The following EIF2AK2 variants were observed in gnomAD, a reference collection of about 807,000 sequenced individuals.
EIF2AK2 encodes interferon-induced, double-stranded RNA-activated protein kinase.
A neutral mutation model predicts 70.5 loss-of-function variants in EIF2AK2; 40 were observed. The observed-to-expected ratio is 0.57, with a 90% CI of 0.44 to 0.74. EIF2AK2 has a LOEUF of 0.74. EIF2AK2 is among the 30% of genes least tolerant of loss of function. The pLI is 0.00. For missense variants in EIF2AK2, 555 were observed against 644.3 expected (o/e 0.86, Z 1.50); for synonymous variants, 198 against 220.9 (o/e 0.90, Z 0.92).
chr2:37,129,130 C>T (rs1035709826), intron 10 of EIF2AK2, among the ~76,000 whole-genome samples: 15 of 151,694 alleles, frequency 9.9e-5, no homozygotes, highest in African/African-American at 3.4e-4. Flanking sequence ...TAAATGCGAC[C>T]TTCCATGTCT....
In EIF2AK2 at chr2:37,107,182, A is replaced by C; in HGVS notation, c.*91T>G. On this transcript the variant is annotated 3_prime_UTR_variant, in exon 17 of 17. Coordinates refer to ENST00000233057, the MANE Select transcript of EIF2AK2 (RefSeq NM_001135651.3). ...AAAAATTAAAGGAAACATTAAAATA[A>C]AAGGTAAATATCTATTGATATTCCC... The C allele has an allele frequency of 7.2e-7, 1 of 1,380,418 alleles. No homozygotes were observed. The highest frequency in any genetic ancestry group is 9.6e-7 in the Non-Finnish European group (1 of 1,044,768). 85.5% of individuals were successfully genotyped at this position (1,380,418 alleles called of 1,614,324 possible).
chr2:37,111,903 A>G (rs1190724075), intron 14 of EIF2AK2, among the ~76,000 whole-genome samples: 4 of 124,778 alleles, frequency 3.2e-5, no homozygotes, highest in Non-Finnish European at 6.7e-5. Context: ...ATATATATAT[A>G]TATATATATC....
At chr2:37,139,946 G>A (rs1675270834) in intron 5 of EIF2AK2, among the ~76,000 whole-genome samples, 189 bp from the exon 6 acceptor site, 1 of 152,098 alleles carries the variant, frequency 6.6e-6, no homozygotes, top group South Asian at 2.1e-4. Flanking sequence ...TGAATACCCA[G>A]GATCAGCTGA....
intron 10 of EIF2AK2, among the ~76,000 whole-genome samples, chr2:37,133,752 T>C (rs1167693443): frequency 1.3e-5 from 2 of 152,218 alleles, no homozygotes; most frequent in African/African-American, 2.4e-5. Flanking sequence ...CAAACTTTCA[T>C]TGCTTCCTAA....
At chr2:37,108,661 C>T (rs894228525) in intron 15 of EIF2AK2, among the ~76,000 whole-genome samples, 2 of 152,136 alleles carry the variant, frequency 1.3e-5, no homozygotes, top group African/African-American at 4.8e-5. Flanking sequence ...CCTCCGCCTC[C>T]CAGGTTCAAG....
chr2:37,126,479 C>A, intron 10 of EIF2AK2, 68 bp from the exon 11 acceptor site: 1 of 1,547,760 alleles, frequency 6.5e-7, no homozygotes, highest in East Asian at 2.3e-5. Context: ...CCTCCCCACT[C>A]CTTTCCCTTT....
chr2:37,115,807 C>A (rs958518512), intron 13 of EIF2AK2, among the ~76,000 whole-genome samples: 2 of 152,054 alleles, frequency 1.3e-5, no homozygotes, highest in Admixed American at 1.3e-4. Context: ...TGAAAGCATA[C>A]CAAGTTAACT....
chr2:37,138,316 T>C lies in EIF2AK2; in HGVS notation c.641A>G (p.Glu214Gly), dbSNP rs1558423612. Reference sequence around the variant, plus strand: ...TAAACTGTCACTGTTAGAATTTATCTCTGATGTATCTGCTGAGAAGTCACC... The same window carrying C: ...TAAACTGTCACTGTTAGAATTTATCCCTGATGTATCTGCTGAGAAGTCACC... ...SEGDFSADTS[E>G]INSNSDSLNS... Residue 214 changes from glutamate (E) to glycine (G), a missense_variant, in exon 8 of 17, where the codon GAG becomes GGG. By Grantham distance (98) the Glu-to-Gly change is moderately conservative (BLOSUM62 -2). Coordinates refer to ENST00000233057, the MANE Select transcript of EIF2AK2 (RefSeq NM_001135651.3). The C allele has an allele frequency of 6.2e-6, 10 of 1,613,862 alleles. No individual in the cohort carries two copies. Among genetic ancestry groups the C allele is most frequent in the African/African-American group, 1.3e-5 (1 of 74,930 alleles).
intron 12 of EIF2AK2, 146 bp from the exon 13 acceptor site, chr2:37,120,285 A>G (rs1674491357): frequency 2.3e-6 from 1 of 440,478 alleles, no homozygotes; most frequent in African/African-American, 2.1e-5. Flanking sequence ...TGGGAGGCCG[A>G]GGCGGGCGGA....
At chr2:37,154,342 A>G (rs1675848177) in intron 1 of EIF2AK2, among the ~76,000 whole-genome samples, 1 of 151,750 alleles carries the variant, frequency 6.6e-6, no homozygotes, top group Non-Finnish European at 1.5e-5. Context: ...AAAAACAAAA[A>G]CAAAACAAAC....
intron 10 of EIF2AK2, among the ~76,000 whole-genome samples, chr2:37,131,746 G>A (rs1318882083): frequency 6.6e-6 from 1 of 152,034 alleles, no homozygotes; most frequent in African/African-American, 2.4e-5. Flanking sequence ...CGCCAAGCAG[G>A]ATATGCAGTC....
intron 10 of EIF2AK2, among the ~76,000 whole-genome samples, 163 bp downstream of exon 10, chr2:37,135,321 C>A (rs558321565): frequency 6.6e-6 from 1 of 152,278 alleles, no homozygotes; most frequent in South Asian, 2.1e-4. Flanking sequence ...CATTCCTGGG[C>A]CCCCTCTTAA....
At chr2:37,132,570 C>G (rs1319428535) in intron 10 of EIF2AK2, among the ~76,000 whole-genome samples, 3 of 152,148 alleles carry the variant, frequency 2.0e-5, no homozygotes, top group Admixed American at 6.5e-5. Flanking sequence ...GCCTGGGTGA[C>G]AGAGCAAGAA....
At chr2:37,140,249 T>C (rs550103150) in intron 5 of EIF2AK2, among the ~76,000 whole-genome samples, 1 of 152,264 alleles carries the variant, frequency 6.6e-6, no homozygotes, top group South Asian at 2.1e-4. Flanking sequence ...CATCTGCTCA[T>C]GTGCACAAAA....
intron 10 of EIF2AK2, among the ~76,000 whole-genome samples, chr2:37,126,703 T>G (rs1349832934): frequency 6.6e-6 from 1 of 152,036 alleles, no homozygotes; most frequent in East Asian, 1.9e-4. Flanking sequence ...ATGCCCGTAA[T>G]ACCAGCACTT....
chr2:37,125,746 T>C (rs547359529), intron 11 of EIF2AK2, among the ~76,000 whole-genome samples: 6 of 152,206 alleles, frequency 3.9e-5, no homozygotes, highest in Non-Finnish European at 7.3e-5. Context: ...ATGAGCACAA[T>C]CAACCCATGG....
rs1318387072 is a variant in EIF2AK2 at position 37,101,625 on chromosome 2, T to C, written c.*5648A>G. The stretch of plus-strand genomic sequence containing the variant: ...ATCAAATCCAGCTTCTAGGTCTAAC[T>C]GGACACTCTGGGGATACTCTCAGTC... On this transcript the variant is annotated 3_prime_UTR_variant, in exon 17 of 17. Transcript: ENST00000233057. The C allele has an allele frequency of 1.3e-5, 2 of 152,150 alleles. No homozygotes were observed. Among genetic ancestry groups the C allele is most frequent in the Non-Finnish European group, 2.9e-5 (2 of 68,022 alleles). 9.4% of individuals were successfully genotyped at this position (152,150 alleles called of 1,614,324 possible).
intron 1 of EIF2AK2, among the ~76,000 whole-genome samples, chr2:37,150,576 C>A (rs1314092946): frequency 2.0e-5 from 3 of 152,050 alleles, no homozygotes; most frequent in Non-Finnish European, 2.9e-5. Context: ...CAGTACCATG[C>A]AAAATGAGGA....
intron 1 of EIF2AK2, among the ~76,000 whole-genome samples, chr2:37,153,877 T>C (rs1675831322): frequency 6.6e-6 from 1 of 152,246 alleles, no homozygotes; most frequent in Non-Finnish European, 1.5e-5. Flanking sequence ...TCTGTTTAAC[T>C]TTGTGATGAA....
Sources: gnomAD v4.1 joint callset for allele counts (sites outside exome capture counted in the v4.1 genomes callset) on GRCh38, gnomAD v4.1.1 for gene constraint, MANE v1.5 for transcripts, NCBI Gene and HGNC (gene_info 2026-07-23, HGNC 2026-07-21) for gene names.